PFKFB3: variants seen among roughly 807,000 people sequenced by gnomAD.
PFKFB3 encodes the protein 6-phosphofructo-2-kinase/fructose-2,6-bisphosphatase 3.
PFKFB3 carries 33 observed loss-of-function variants against 68.0 expected under a neutral mutation model. The ratio of observed to expected loss-of-function variants is 0.49; its 90% CI spans 0.37 to 0.65. The LOEUF (loss-of-function observed/expected upper bound fraction) is 0.65. Among genes scored for constraint, PFKFB3 ranks in the 30% least tolerant of loss-of-function variants. PFKFB3 has a pLI of 0.00. For synonymous variants in PFKFB3, 315 were observed against 288.2 expected, an observed-to-expected ratio of 1.09 and a Z score of -0.94; for missense variants, 586 against 712.2, an observed-to-expected ratio of 0.82 and a Z score of 2.02.
At chr10:6,325,934 A>G in the PFKFB3 span, among the ~76,000 whole-genome samples, 2 of 152,192 alleles carry the variant, frequency 1.3e-5, no homozygotes, top group African/African-American at 4.8e-5. Context: ...TGCTGACCCA[A>G]TTAATGAGTC....
intron 14 of PFKFB3, among the ~76,000 whole-genome samples, chr10:6,242,672 C>T (rs983583850): frequency 6.6e-6 from 1 of 151,982 alleles, no homozygotes; most frequent in African/African-American, 2.4e-5. Flanking sequence ...ACTGCAACCT[C>T]CACCTCCTGA....
intron 1 of PFKFB3, among the ~76,000 whole-genome samples, chr10:6,155,231 C>G (rs1459118527): frequency 3.4e-4 from 44 of 127,638 alleles, no homozygotes; most frequent in African/African-American, 1.0e-3. Flanking sequence ...GAGACGGAGT[C>G]CCGCTCTGTC....
intron 14 of PFKFB3, among the ~76,000 whole-genome samples, chr10:6,227,882 C>T (rs1845459724): frequency 6.6e-6 from 1 of 152,084 alleles, no homozygotes; most frequent in Non-Finnish European, 1.5e-5. Flanking sequence ...GGCATCCGTT[C>T]TGATGGAAAT....
At chr10:6,231,689 T>C in intron 14 of PFKFB3, 2 of 657,414 alleles carry the variant, frequency 3.0e-6, no homozygotes, top group African/African-American at 2.0e-5. Context: ...TCCCTAGATA[T>C]GAGGACCCAG....
At chr10:6,321,616 T>C in the PFKFB3 span, among the ~76,000 whole-genome samples, 4 of 152,298 alleles carry the variant, frequency 2.6e-5, no homozygotes, top group South Asian at 8.3e-4. Context: ...CTACCTTCCC[T>C]CCTTCTTGCT....
intron 1 of PFKFB3, among the ~76,000 whole-genome samples, chr10:6,182,128 G>A (rs765328792): frequency 2.0e-5 from 3 of 152,174 alleles, no homozygotes; most frequent in Non-Finnish European, 4.4e-5. Context: ...TGAGGTCCCT[G>A]GCTTCTGGCC....
At chr10:6,164,313 C>T (rs925553850) in intron 1 of PFKFB3, among the ~76,000 whole-genome samples, 1 of 152,198 alleles carries the variant, frequency 6.6e-6, no homozygotes, top group Non-Finnish European at 1.5e-5. Context: ...TCTGTGGCTC[C>T]ATCCGAATCT....
At chr10:6,149,194 A>G (rs1037354517) in intron 1 of PFKFB3, among the ~76,000 whole-genome samples, 4 of 152,250 alleles carry the variant, frequency 2.6e-5, no homozygotes, top group African/African-American at 7.2e-5. Context: ...TTTCAAGTCT[A>G]GAATCCTATA....
In PFKFB3 at chr10:6,233,184, T is replaced by G. The variant is rs1249519823; in HGVS notation, c.*242T>G. ...AGCCGTGGGGCCCCCACCTCCACTCTCTGGGTTTCCTAGGAATGTCCAGCC... is the reference window on the plus strand; with the variant it reads ...AGCCGTGGGGCCCCCACCTCCACTCGCTGGGTTTCCTAGGAATGTCCAGCC... On this transcript the variant is annotated 3_prime_UTR_variant, in exon 15 of 15. Coordinates refer to ENST00000379775, the MANE Select transcript of PFKFB3 (RefSeq NM_004566.4). The G allele has an allele frequency of 4.0e-6, 2 of 503,896 alleles. No individual in the cohort carries two copies. The highest frequency in any genetic ancestry group is 1.9e-5 in the African/African-American group (1 of 51,628). The allele number at this position is 503,896 out of a possible 1,614,324, so 31.2% of individuals were successfully genotyped here.
At chr10:6,209,473 A>ATTTTT (rs59104402) in intron 1 of PFKFB3, among the ~76,000 whole-genome samples, 1 of 150,764 alleles carries the variant, frequency 6.6e-6, no homozygotes, top group Admixed American at 6.6e-5. Context: ...AAACTCAATA[A>ATTTTT]TTTTTTTTTT....
the PFKFB3 span, among the ~76,000 whole-genome samples, chr10:6,303,564 C>T: frequency 1.3e-5 from 2 of 151,960 alleles, no homozygotes; most frequent in African/African-American, 2.4e-5. Flanking sequence ...CCTGTAATCC[C>T]AGCACTTTGG....
At chr10:6,301,091 G>A in the PFKFB3 span, among the ~76,000 whole-genome samples, 1 of 152,112 alleles carries the variant, frequency 6.6e-6, no homozygotes, top group African/African-American at 2.4e-5. Flanking sequence ...GCCAGACTTC[G>A]TGGGCCATGT....
At chr10:6,146,209 C>T (rs1210606140) in intron 1 of PFKFB3, 5 of 1,425,300 alleles carry the variant, frequency 3.5e-6, no homozygotes, top group Non-Finnish European at 4.6e-6. Flanking sequence ...CCGCACCCAC[C>T]CATCTGCCTC....
In PFKFB3 at chr10:6,221,637, G is replaced by A. The variant is rs540713631; in HGVS notation, c.979-4G>A. 22 of 1,609,800 alleles carry A rather than the reference G, an allele frequency of 1.4e-5. No individual in the cohort carries two copies. Among genetic ancestry groups the A allele is most frequent in the African/African-American group, 8.0e-5 (6 of 74,988 alleles). On this transcript the variant is annotated splice_region_variant and splice_polypyrimidine_tract_variant and intron_variant, in intron 9 of 14. Transcript: ENST00000379775. ...TCCCCTGAGTGACCACTGGGTCCCCGCAGGGCGTCTGTGAGGAGCTGACCT... is the reference window on the plus strand; with the variant it reads ...TCCCCTGAGTGACCACTGGGTCCCCACAGGGCGTCTGTGAGGAGCTGACCT...
chr10:6,152,616 C>T (rs1253100697), intron 1 of PFKFB3, among the ~76,000 whole-genome samples: 1 of 152,220 alleles, frequency 6.6e-6, no homozygotes, highest in African/African-American at 2.4e-5. Flanking sequence ...GTGGCACACA[C>T]CTGCAGCCCC....
chr10:6,176,712 T>C (rs1206432852), intron 1 of PFKFB3, among the ~76,000 whole-genome samples: 1 of 152,150 alleles, frequency 6.6e-6, no homozygotes, highest in Non-Finnish European at 1.5e-5. Context: ...ATAATATGTT[T>C]ATTTGAAAAG....
At chr10:6,254,206 A>G (rs1335772344) in exon 15 of PFKFB3, 2 of 396,126 alleles carry the variant, frequency 5.0e-6, no homozygotes, top group East Asian at 7.2e-5. Flanking sequence ...CCTGGAAGGG[A>G]CCCTGAGCCA....
At chr10:6,279,129 A>G in the PFKFB3 span, among the ~76,000 whole-genome samples, 2 of 152,216 alleles carry the variant, frequency 1.3e-5, no homozygotes, top group Non-Finnish European at 2.9e-5. Context: ...AATAGCTACT[A>G]ACTTATTATG....
the PFKFB3 span, among the ~76,000 whole-genome samples, chr10:6,323,243 G>A: frequency 3.9e-5 from 6 of 152,218 alleles, no homozygotes; most frequent in Admixed American, 2.6e-4. Flanking sequence ...CTAAAGATCT[G>A]TTGTCTGCAA....
Sources: allele counts gnomAD v4.1 joint callset (sites outside exome capture counted in the v4.1 genomes callset), GRCh38; gene constraint gnomAD v4.1.1; transcripts MANE v1.5; gene names NCBI Gene and HGNC (gene_info 2026-07-23, HGNC 2026-07-21).